The following LIPI variants were observed in gnomAD, a reference collection of about 807,000 sequenced individuals.
The protein encoded by LIPI is lipase member I.
Under a neutral mutation model 50.6 loss-of-function variants are expected in LIPI, and 59 were observed. The ratio of observed to expected loss-of-function variants is 1.16; its 90% CI spans 0.94 to 1.45. The LOEUF (loss-of-function observed/expected upper bound fraction) is 1.45. LIPI is among the 40% of genes most tolerant of loss of function. The pLI is 0.00. For missense variants in LIPI, 586 were observed against 536.3 expected, an observed-to-expected ratio of 1.09 and a Z score of -0.92; for synonymous variants, 203 against 178.2, an observed-to-expected ratio of 1.14 and a Z score of -1.11.
At chr21:14,174,607 G>A (rs2019031249) in intron 4 of LIPI, among the ~76,000 whole-genome samples, 1 of 152,026 alleles carries the variant, frequency 6.6e-6, no homozygotes, top group Admixed American at 6.6e-5. Context: ...AGGCTGGAGT[G>A]CAATGGCATG....
Position 14,163,484 on chromosome 21 carries a change from C to T in LIPI, c.941G>A (p.Arg314Lys). The T allele has an allele frequency of 6.3e-7, 1 of 1,590,874 alleles. No homozygotes were observed. The highest frequency in any genetic ancestry group is 8.6e-7 in the Non-Finnish European group (1 of 1,159,188). The change falls in exon 7 of 10, where the codon AGG becomes AAG. Residue 314 changes from arginine to lysine, a missense_variant. Coordinates refer to ENST00000681601, the MANE Select transcript of LIPI (RefSeq NM_001302998.2). ...AKLFKGVLKE[R>K]MEGRPLRTTV... ...GGTCCTAAGAGGTCTTCCTTCCATC[C>T]TTTCTTTTAAAACACCTTTAAATAG... is the stretch of plus-strand genomic sequence containing the variant.
chr21:14,111,509 CT>C (rs1231994969), intron 9 of LIPI, among the ~76,000 whole-genome samples: 6 of 152,018 alleles, frequency 3.9e-5, no homozygotes, highest in African/African-American at 1.4e-4. Flanking sequence ...CATATATATA[CT>C]TTGCAAATAA....
chr21:14,183,657 TG>T (rs2123254151), intron 3 of LIPI, among the ~76,000 whole-genome samples: 1 of 152,068 alleles, frequency 6.6e-6, no homozygotes, highest in East Asian at 1.9e-4. Flanking sequence ...CATCAAAAAG[TG>T]GGTGAAGGAT....
At chr21:14,109,289 G>GA (rs753647846) in intron 9 of LIPI, among the ~76,000 whole-genome samples, 8 of 151,982 alleles carry the variant, frequency 5.3e-5, no homozygotes, top group East Asian at 3.9e-4. Flanking sequence ...TTATAAGAAA[G>GA]AAAAAAATCT....
At chr21:14,172,633 G>A (rs148731678) in intron 4 of LIPI, among the ~76,000 whole-genome samples, 5,067 of 150,956 alleles carry the variant, frequency 0.034, 185 homozygotes, top group East Asian at 0.22. Context: ...ACCAAACACC[G>A]CATATTCTCA....
chr21:14,202,904 G>A (rs1253939780), intron 1 of LIPI, among the ~76,000 whole-genome samples: 1 of 152,016 alleles, frequency 6.6e-6, no homozygotes, highest in Admixed American at 6.6e-5. Flanking sequence ...GCAACCTACA[G>A]AATGGGAGAA....
chr21:14,191,181 A>G (rs2019659047), intron 1 of LIPI, among the ~76,000 whole-genome samples: 1 of 151,992 alleles, frequency 6.6e-6, no homozygotes, highest in Non-Finnish European at 1.5e-5. Context: ...GATCGAGACC[A>G]TCCCGGCTAA....
At chr21:14,112,789 T>C (rs1474963870) in intron 9 of LIPI, among the ~76,000 whole-genome samples, 1 of 152,156 alleles carries the variant, frequency 6.6e-6, no homozygotes, top group East Asian at 1.9e-4. Context: ...TAAATATAAA[T>C]AAGCATTTAA....
At chr21:14,204,820 G>C (rs1191050456) in intron 1 of LIPI, among the ~76,000 whole-genome samples, 1 of 151,820 alleles carries the variant, frequency 6.6e-6, no homozygotes. Flanking sequence ...GAAGGACACA[G>C]TTAATATATA....
chr21:14,166,234 C>T, intron 5 of LIPI, 128 bp downstream of exon 5: 1 of 706,816 alleles, frequency 1.4e-6, no homozygotes, highest in South Asian at 1.5e-5. Context: ...TAACCAATGA[C>T]TCTCCTGAGT....
At chr21:14,204,339 G>C (rs1344764216) in intron 1 of LIPI, among the ~76,000 whole-genome samples, 1 of 147,532 alleles carries the variant, frequency 6.8e-6, no homozygotes, top group Non-Finnish European at 1.5e-5. Context: ...AGAAGGAAAA[G>C]AAAACAGAAA....
rs570078230 is a variant in LIPI, at chr21:14,156,356, G to A, written c.1007-3672C>T. Reference sequence around the variant, plus strand: ...GAGGAGAATCAGAAACAGAGATGTCGTGCAGAAAAAGGGTCAAAATGATAT... The same window carrying A: ...GAGGAGAATCAGAAACAGAGATGTCATGCAGAAAAAGGGTCAAAATGATAT... On this transcript the variant is annotated intron_variant, in intron 7 of 9. Transcript: ENST00000681601. 1.6e-4 allele frequency among the ~76,000 whole-genome samples: 25 copies of A among 151,842 alleles called. No individual in the cohort carries two copies. In the East Asian group the frequency reaches 1.7e-3, roughly 11 times the overall value.
intron 1 of LIPI, among the ~76,000 whole-genome samples, chr21:14,191,241 G>T (rs925553653): frequency 6.6e-6 from 1 of 151,028 alleles, no homozygotes; most frequent in African/African-American, 2.4e-5. Flanking sequence ...GCCGGGCGTA[G>T]TGGCGGGCGC....
chr21:14,139,338 T>C (rs2017619848), intron 9 of LIPI, among the ~76,000 whole-genome samples: 1 of 152,146 alleles, frequency 6.6e-6, no homozygotes, highest in Admixed American at 6.6e-5. Flanking sequence ...ATATACTTTT[T>C]TTACAGTTTG....
At chr21:14,201,931 A>C (rs1026933721) in intron 1 of LIPI, among the ~76,000 whole-genome samples, 2 of 152,220 alleles carry the variant, frequency 1.3e-5, no homozygotes, top group African/African-American at 4.8e-5. Context: ...GTATATCTAG[A>C]AAACCCCATT....
At chr21:14,163,135 C>A (rs761182408) in intron 7 of LIPI, among the ~76,000 whole-genome samples, 1 of 150,890 alleles carries the variant, frequency 6.6e-6, no homozygotes, top group Non-Finnish European at 1.5e-5. Context: ...ATGTTACATG[C>A]CAAAATAACT....
rs188174148 is a variant in LIPI, at chr21:14,184,432, A to T, written c.541+1529T>A. 6.9e-3 allele frequency among the ~76,000 whole-genome samples: 1,057 copies of T among 152,230 alleles called. 13 individuals are homozygous for T. The highest frequency in any genetic ancestry group is 0.023 in the African/African-American group (947 of 41,522). ...CATGGCACATGTATACATATGTAACAAACCTGCACGTTGTGCACATGTACC... is the reference window on the plus strand; with the variant it reads ...CATGGCACATGTATACATATGTAACTAACCTGCACGTTGTGCACATGTACC... On this transcript the variant is annotated intron_variant, in intron 3 of 9. Transcript: ENST00000681601.
At chr21:14,125,471 G>A (rs1158376505) in intron 9 of LIPI, among the ~76,000 whole-genome samples, 1 of 152,182 alleles carries the variant, frequency 6.6e-6, no homozygotes, top group Non-Finnish European at 1.5e-5. Flanking sequence ...ATCCAAAAAG[G>A]CAGACGATGA....
At chr21:14,167,725 C>T (rs2018742990) in intron 4 of LIPI, among the ~76,000 whole-genome samples, 1 of 152,092 alleles carries the variant, frequency 6.6e-6, no homozygotes, top group African/African-American at 2.4e-5. Context: ...ACATCACCAT[C>T]ATCAAAGACC....
Sources: allele counts gnomAD v4.1 joint callset (sites outside exome capture counted in the v4.1 genomes callset), GRCh38; gene constraint gnomAD v4.1.1; transcripts MANE v1.5; gene names NCBI Gene and HGNC (gene_info 2026-07-23, HGNC 2026-07-21).